ELMO1: variants seen among roughly 807,000 people sequenced by gnomAD.
The protein encoded by ELMO1 is engulfment and cell motility protein 1.
Under a neutral mutation model 98.9 loss-of-function variants are expected in ELMO1, and 26 were observed. That is an observed-to-expected ratio of 0.26 (90% CI 0.19 to 0.36). ELMO1 has a LOEUF of 0.36. ELMO1 is among the 10% of genes least tolerant of loss of function. ELMO1 has a pLI of 1.00. For synonymous variants in ELMO1, 346 were observed against 346.0 expected (o/e 1.00, Z 0.00); for missense variants, 627 against 935.2 (o/e 0.67, Z 4.30).
chr7:36,938,242 C>T (rs1182466727), intron 16 of ELMO1, among the ~76,000 whole-genome samples: 2 of 152,128 alleles, frequency 1.3e-5, no homozygotes, highest in Admixed American at 6.5e-5. Flanking sequence ...AATTTGATTG[C>T]ATATTATATA....
intron 1 of ELMO1, among the ~76,000 whole-genome samples, chr7:37,346,265 TCA>T (rs2131277036): frequency 6.6e-6 from 1 of 152,310 alleles, no homozygotes; most frequent in Admixed American, 6.5e-5. Flanking sequence ...GCACACCTAT[TCA>T]GAGTGTAAAT....
At chr7:37,440,072 C>T (rs1422864345) in intron 1 of ELMO1, among the ~76,000 whole-genome samples, 1 of 152,016 alleles carries the variant, frequency 6.6e-6, no homozygotes, top group East Asian at 1.9e-4. Context: ...TCCCACTCCC[C>T]CAAACCAAAA....
intron 16 of ELMO1, among the ~76,000 whole-genome samples, chr7:36,955,237 A>G (rs1177971357): frequency 2.0e-5 from 3 of 152,020 alleles, no homozygotes; most frequent in African/African-American, 7.3e-5. Context: ...TCTCAGCTCA[A>G]ATCTTTTTTT....
At chr7:37,028,314 C>T (rs910150868) in intron 15 of ELMO1, among the ~76,000 whole-genome samples, 2 of 152,084 alleles carry the variant, frequency 1.3e-5, no homozygotes, top group African/African-American at 4.8e-5. Context: ...GCTTATTTGC[C>T]GTGATTTTTA....
At position 37,065,186 on chromosome 7, in the gene ELMO1, C is replaced by CTT. The variant is rs773914136; in HGVS notation, c.1300+31431_1300+31432dup. Among the ~76,000 whole-genome samples, 70 of 146,572 alleles carry CTT rather than the reference C, an allele frequency of 4.8e-4. 1 individual carries two copies. Among genetic ancestry groups the CTT allele is most frequent in the African/African-American group, 1.6e-3 (66 of 40,156 alleles). On this transcript the variant is annotated intron_variant, in intron 15 of 21. Coordinates refer to ENST00000310758, the MANE Select transcript of ELMO1 (RefSeq NM_014800.11). ...ACTCCCCTTCATGGCTACCCCCACC[C>CTT]TTTTTTTTTTTGAGGTGGACTCCTT...
In ELMO1 at chr7:37,227,903, A is replaced by G. The variant is rs79823905; in HGVS notation, c.550-2873T>C. ...AAGAAATGAATCCCTTACTTTCATG[A>G]AAGTATTCTTTAAAATTCATGTTCC... On this transcript the variant is annotated intron_variant, in intron 8 of 21. Transcript: ENST00000310758. 7.9e-3 allele frequency among the ~76,000 whole-genome samples: 1,207 copies of G among 152,282 alleles called. 14 individuals are homozygous for G. The highest frequency in any genetic ancestry group is 0.028 in the African/African-American group (1,143 of 41,558).
intron 14 of ELMO1, among the ~76,000 whole-genome samples, chr7:37,106,806 T>C (rs1584653935): frequency 1.3e-5 from 2 of 152,290 alleles, no homozygotes; most frequent in African/African-American, 4.8e-5. Flanking sequence ...TTTTTTAAAG[T>C]TCACATTGTA....
At position 37,181,474 on chromosome 7, in the gene ELMO1, C is replaced by G. The variant is rs149784364; in HGVS notation, c.1086+29912G>C. 3.3e-3 allele frequency among the ~76,000 whole-genome samples: 495 copies of G among 152,200 alleles called. 5 individuals are homozygous for G. The highest frequency in any genetic ancestry group is 0.011 in the African/African-American group (467 of 41,502). ...ATTTGCAGATTGGATGGCCTTTGAG[C>G]GTCCTTGTATAAGCCAAGACTTTTG... On this transcript the variant is annotated intron_variant, in intron 13 of 21. Coordinates refer to ENST00000310758, the MANE Select transcript of ELMO1 (RefSeq NM_014800.11).
At chr7:37,214,602 G>T (rs916643668) in intron 11 of ELMO1, among the ~76,000 whole-genome samples, 7 of 152,128 alleles carry the variant, frequency 4.6e-5, no homozygotes, top group African/African-American at 7.2e-5. Flanking sequence ...AGGAATAGAA[G>T]AAAGAGGACA....
chr7:37,381,021 A>G (rs758582763), intron 1 of ELMO1, among the ~76,000 whole-genome samples: 1 of 152,280 alleles, frequency 6.6e-6, no homozygotes, highest in Non-Finnish European at 1.5e-5. Flanking sequence ...ACTTGTTTAC[A>G]GTATGAGACA....
At chr7:36,972,254 T>C (rs1315489543) in intron 16 of ELMO1, among the ~76,000 whole-genome samples, 2 of 152,216 alleles carry the variant, frequency 1.3e-5, no homozygotes, top group African/African-American at 4.8e-5. Context: ...TTGACCTTAA[T>C]TGCTCTTACG....
intron 1 of ELMO1, among the ~76,000 whole-genome samples, chr7:37,435,902 A>G (rs1805122738): frequency 6.6e-6 from 1 of 152,238 alleles, no homozygotes; most frequent in Non-Finnish European, 1.5e-5. Context: ...GCAGCAAATC[A>G]TTCGCCATCC....
intron 10 of ELMO1, among the ~76,000 whole-genome samples, chr7:37,219,164 A>G (rs2130504257): frequency 6.6e-6 from 1 of 152,284 alleles, no homozygotes; most frequent in Admixed American, 6.5e-5. Context: ...CCCTGGGGGA[A>G]CCCTAGAAGG....
intron 16 of ELMO1, among the ~76,000 whole-genome samples, chr7:36,950,684 G>C (rs148150607): frequency 6.9e-4 from 105 of 152,342 alleles, no homozygotes; most frequent in African/African-American, 2.3e-3. Context: ...TTTCTCAAAT[G>C]TTCACTGCAC....
chr7:37,071,954 G>T (rs1797295061), intron 15 of ELMO1, among the ~76,000 whole-genome samples: 1 of 152,076 alleles, frequency 6.6e-6, no homozygotes, highest in Non-Finnish European at 1.5e-5. Context: ...AATTAAAAAG[G>T]TTCAGGAGAG....
chr7:37,320,672 C>T (rs948519602), intron 2 of ELMO1, among the ~76,000 whole-genome samples: 3 of 152,176 alleles, frequency 2.0e-5, no homozygotes, highest in Non-Finnish European at 4.4e-5. Flanking sequence ...CCCTTGAGAA[C>T]AAGGCATCTT....
At chr7:37,382,365 G>C (rs1382988641) in intron 1 of ELMO1, among the ~76,000 whole-genome samples, 1 of 152,074 alleles carries the variant, frequency 6.6e-6, no homozygotes, top group Non-Finnish European at 1.5e-5. Context: ...ACTTTATCTC[G>C]CTTTTTCTTG....
intron 15 of ELMO1, among the ~76,000 whole-genome samples, chr7:37,021,931 A>C (rs1311220124): frequency 6.6e-6 from 1 of 152,134 alleles, no homozygotes; most frequent in African/African-American, 2.4e-5. Context: ...ATGGAAAAAC[A>C]GAACAATAGA....
At chr7:37,253,553 A>C (rs1256499617) in intron 6 of ELMO1, among the ~76,000 whole-genome samples, 1 of 152,136 alleles carries the variant, frequency 6.6e-6, no homozygotes, top group Non-Finnish European at 1.5e-5. Context: ...CAGGGCGGGG[A>C]ACATCACACA....
Sources: allele counts gnomAD v4.1 joint callset (sites outside exome capture counted in the v4.1 genomes callset), GRCh38; gene constraint gnomAD v4.1.1; transcripts MANE v1.5; gene names NCBI Gene and HGNC (gene_info 2026-07-23, HGNC 2026-07-21).